TOP2B: variants seen among roughly 807,000 people sequenced by gnomAD.
TOP2B encodes the protein DNA topoisomerase 2-beta.
A neutral mutation model predicts 193.5 loss-of-function variants in TOP2B; 51 were observed. The ratio of observed to expected loss-of-function variants is 0.26; its 90% CI spans 0.21 to 0.33. The LOEUF is 0.33. TOP2B is among the 10% of genes least tolerant of loss of function. The pLI is 1.00. For synonymous variants in TOP2B, 634 were observed against 635.7 expected (o/e 1.00, Z 0.04); for missense variants, 1,378 against 1,909.3 (o/e 0.72, Z 5.19).
In TOP2B at chr3:25,630,335, C is replaced by A; in HGVS notation, c.1540G>T (p.Val514Leu). 6.4e-7 allele frequency: 1 copy of A among 1,551,440 alleles called. No individual in the cohort carries two copies. The highest frequency in any genetic ancestry group is 8.7e-7 in the Non-Finnish European group (1 of 1,146,738). The change falls in exon 12 of 36, where the codon GTA becomes TTA. Residue 514 changes from valine (V) to leucine (L), a missense_variant. Physicochemically the swap from Val to Leu is conservative, Grantham distance 32. Around this residue, in one of 9 missense-constraint regions of TOP2B, gnomAD observed 66 missense variants for 153.3 expected, o/e 0.43. Coordinates refer to ENST00000264331, the MANE Select transcript of TOP2B (RefSeq NM_001330700.2). ...ACCTGTTTATGAGAAGCTTCCCGTA[C>A]ATTAAGAATTTTGCCCCTGAGTGGA... is the stretch of plus-strand genomic sequence containing the variant. Reference protein sequence around the residue: ...VFPLRGKILNVREASHKQIME... With the variant: ...VFPLRGKILNLREASHKQIME...
At position 25,607,196 on chromosome 3, in the gene TOP2B, G is replaced by A. The variant is rs1354851315; in HGVS notation, c.4273C>T (p.Pro1425Ser). The change falls in exon 31 of 36, where the codon CCA becomes TCA. Residue 1425 changes from proline (P) to serine (S), a missense_variant. By Grantham distance (74) the Pro-to-Ser change is moderately conservative. Coordinates refer to ENST00000264331, the MANE Select transcript of TOP2B (RefSeq NM_001330700.2). ...GLDKDEYTFS[P>S]GKSKATPEKS... ...TCTGGAGTGGCTTTTGATTTGCCTG[G>A]TGAAAATGTATATTCATCTTTATCT... 1 of 1,612,832 alleles carries A rather than the reference G, an allele frequency of 6.2e-7. No individual in the cohort carries two copies. Among genetic ancestry groups the A allele is most frequent in the East Asian group, 2.2e-5 (1 of 44,772 alleles).
chr3:25,664,117 C>G, intron 1 of TOP2B, 112 bp downstream of exon 1: 1 of 1,477,036 alleles, frequency 6.8e-7, no homozygotes, highest in African/African-American at 1.4e-5. Context: ...ATGGAGCGCC[C>G]GTTCGGGGGA....
intron 7 of TOP2B, among the ~76,000 whole-genome samples, chr3:25,635,180 G>A (rs923769293): frequency 2.0e-5 from 3 of 151,976 alleles, no homozygotes; most frequent in South Asian, 2.1e-4. Flanking sequence ...TGGTATTCAC[G>A]GCAACAACAA....
Position 25,620,666 on chromosome 3 carries a change from A to C in TOP2B, c.2862+16T>G, listed in dbSNP as rs1201436891. The C allele has an allele frequency of 3.1e-6, 5 of 1,606,732 alleles. No individual in the cohort carries two copies. The South Asian group carries it at 3.4e-5, about 11-fold the overall frequency. ...ACACTGCCCTTCCCTCAGGCAGATC[A>C]CATATTTACACTGACCTGTGTCCAA... On this transcript the variant is annotated intron_variant, in intron 22 of 35. Coordinates refer to ENST00000264331, the MANE Select transcript of TOP2B (RefSeq NM_001330700.2).
Position 25,608,422 on chromosome 3 carries a change from C to CTTAAA in TOP2B, c.4093+760_4093+761insTTTAA, listed in dbSNP as rs778059804. Among the ~76,000 whole-genome samples, 6 of 152,208 alleles carry CTTAAA rather than the reference C, an allele frequency of 3.9e-5. No homozygotes were observed. In the East Asian group the frequency reaches 7.7e-4, roughly 20 times the overall value. ...AATGTAATAAACCATTTTCATATAACTTACTCATATTAAAGATTCACCTAT... is the reference window on the plus strand; with the variant it reads ...AATGTAATAAACCATTTTCATATAACTTAAATTACTCATATTAAAGATTCACCTAT... On this transcript the variant is annotated intron_variant, in intron 30 of 35. Coordinates refer to ENST00000264331, the MANE Select transcript of TOP2B (RefSeq NM_001330700.2).
chr3:25,625,533 T>TTTG (rs947076378), intron 18 of TOP2B, among the ~76,000 whole-genome samples: 9 of 65,062 alleles, frequency 1.4e-4, no homozygotes, highest in Admixed American at 9.2e-4. Context: ...CATGAGGTTT[T>TTTG]TTGTTTGTTT....
intron 2 of TOP2B, among the ~76,000 whole-genome samples, 198 bp downstream of exon 2, chr3:25,645,102 G>A (rs1045840599): frequency 9.9e-5 from 15 of 151,908 alleles, no homozygotes; most frequent in Non-Finnish European, 4.4e-5. Context: ...GAGCCACTGC[G>A]CTCAGCCTCT....
intron 8 of TOP2B, among the ~76,000 whole-genome samples, chr3:25,633,581 T>C (rs993379692): frequency 1.3e-5 from 2 of 152,128 alleles, no homozygotes; most frequent in African/African-American, 4.8e-5. Flanking sequence ...AAAAAGGAAT[T>C]TGTTATTCTA....
At chr3:25,639,435 G>A (rs572819851) in intron 4 of TOP2B, among the ~76,000 whole-genome samples, 29 of 152,268 alleles carry the variant, frequency 1.9e-4, no homozygotes, top group African/African-American at 6.5e-4. Flanking sequence ...AGCCTCCCAA[G>A]TAGCTGGGAT....
chr3:25,661,149 C>T (rs569882545), intron 1 of TOP2B, among the ~76,000 whole-genome samples: 2 of 152,040 alleles, frequency 1.3e-5, no homozygotes, highest in South Asian at 2.1e-4. Flanking sequence ...TACAAGCATG[C>T]GCCACCACCC....
chr3:25,630,784 A>C lies in TOP2B; in HGVS notation c.1405+17T>G. The C allele has an allele frequency of 6.6e-7, 1 of 1,514,702 alleles. No individual in the cohort carries two copies. Among genetic ancestry groups the C allele is most frequent in the Non-Finnish European group, 8.8e-7 (1 of 1,138,158 alleles). 93.8% of individuals were successfully genotyped at this position (1,514,702 alleles called of 1,614,324 possible). ...TGAAACTTAAATCAAAATCTTATTTAAAAATATCAATCTTACCAGCATCAT... is the reference window on the plus strand; with the variant it reads ...TGAAACTTAAATCAAAATCTTATTTCAAAATATCAATCTTACCAGCATCAT... On this transcript the variant is annotated intron_variant, in intron 11 of 35. Transcript: ENST00000264331.
chr3:25,601,252 G>T (rs1702086664), intron 33 of TOP2B, 27 bp from the exon 34 acceptor site: 1 of 1,601,178 alleles, frequency 6.2e-7, no homozygotes, highest in Non-Finnish European at 8.5e-7. Context: ...CATTTCACAG[G>T]TCAATATACT....
At chr3:25,634,162 T>C (rs965482331) in intron 7 of TOP2B, 148 bp from the exon 8 acceptor site, 12 of 585,912 alleles carry the variant, frequency 2.0e-5, no homozygotes, top group Non-Finnish European at 2.8e-5. Flanking sequence ...TTCCCAGATC[T>C]ATTCCTTAAC....
intron 1 of TOP2B, among the ~76,000 whole-genome samples, chr3:25,650,997 G>C (rs1429755795): frequency 6.6e-6 from 1 of 152,010 alleles, no homozygotes; most frequent in African/African-American, 2.4e-5. Context: ...CCGCAAACTA[G>C]ATTTTGTTCA....
chr3:25,599,570 G>C, intron 34 of TOP2B, 41 bp from the exon 35 acceptor site: 2 of 1,554,268 alleles, frequency 1.3e-6, no homozygotes, highest in Non-Finnish European at 1.8e-6. Flanking sequence ...GTGGTTAAGT[G>C]CAATATAAAA....
chr3:25,618,624 A>C (rs1702575435), intron 24 of TOP2B, 30 bp downstream of exon 24: 1 of 1,566,752 alleles, frequency 6.4e-7, no homozygotes, highest in African/African-American at 1.4e-5. Context: ...ATTTTAACTA[A>C]TGTTCAAATT....
intron 27 of TOP2B, 75 bp from the exon 28 acceptor site, chr3:25,612,784 G>T: frequency 9.1e-7 from 1 of 1,100,696 alleles, no homozygotes; most frequent in East Asian, 2.4e-5. Context: ...ATAAAATACT[G>T]AAACAAATGT....
At chr3:25,645,926 A>ATT (rs756446533) in intron 1 of TOP2B, among the ~76,000 whole-genome samples, 20,480 of 140,360 alleles carry the variant, frequency 0.15, 1,847 homozygotes, top group African/African-American at 0.26. Flanking sequence ...TGCCCAGGTA[A>ATT]TTTTTTTTTT....
intron 20 of TOP2B, among the ~76,000 whole-genome samples, 186 bp from the exon 21 acceptor site, chr3:25,623,932 TCA>T (rs1233333008): frequency 1.3e-5 from 2 of 152,362 alleles, no homozygotes; most frequent in East Asian, 3.8e-4. Flanking sequence ...CATCTTTCTC[TCA>T]GTTACAAGCC....
Sources: gnomAD v4.1 joint callset for allele counts (sites outside exome capture counted in the v4.1 genomes callset) on GRCh38, gnomAD v4.1.1 for gene constraint, gnomAD v4.1.1 regional missense constraint, MANE v1.5 for transcripts, NCBI Gene and HGNC (gene_info 2026-07-23, HGNC 2026-07-21) for gene names.